The following SRCAP variants were observed in gnomAD, a reference collection of about 807,000 sequenced individuals.
SRCAP encodes chromatin remodeling protein SRCAP.
SRCAP carries 46 observed loss-of-function variants against 263.1 expected under a neutral mutation model. The ratio of observed to expected loss-of-function variants is 0.17; its 90% CI spans 0.14 to 0.22. The LOEUF is 0.22. Ranked by LOEUF, SRCAP falls within the 10% of genes least tolerant of loss-of-function variation. The pLI is 1.00. For synonymous variants in SRCAP, 1,813 were observed against 1,662.1 expected (o/e 1.09, Z -2.21); for missense variants, 3,695 against 4,181.9 (o/e 0.88, Z 3.21).
chr16:30,712,556 A>G, intron 13 of SRCAP, 117 bp downstream of exon 13: 1 of 1,531,052 alleles, frequency 6.5e-7, no homozygotes, highest in Non-Finnish European at 8.9e-7. Context: ...TTAACTGTAT[A>G]GAGAGGACAG....
In SRCAP at chr16:30,733,467, A is replaced by C. The variant is rs758305218; in HGVS notation, c.6297+18A>C. ...AGAGACAGGTAACCCAGGTTTCTGC[A>C]GCTCTTAGAGGCTCACCTCCGCTTC... On this transcript the variant is annotated intron_variant, in intron 28 of 33. Transcript: ENST00000262518. This position sits in a 1 kb window ranked among gnomAD's most constrained non-coding sequence, Gnocchi z 5.3. The C allele has an allele frequency of 3.1e-6, 5 of 1,613,948 alleles. No homozygotes were observed. The East Asian group carries it at 8.9e-5, about 29-fold the overall frequency.
In SRCAP at chr16:30,739,789, C is replaced by A. The variant is rs1010032406; in HGVS notation, c.*56C>A. 52 of 1,443,766 alleles carry A rather than the reference C, an allele frequency of 3.6e-5. No individual in the cohort carries two copies. The highest frequency in any genetic ancestry group is 4.7e-5 in the Non-Finnish European group (52 of 1,095,948). 89.4% of individuals were successfully genotyped at this position (1,443,766 alleles called of 1,614,324 possible). ...CGTGGCCACTCCCTCCATGACCAGG[C>A]CTGACTCTGTTAACCACTACTTGAA... On this transcript the variant is annotated 3_prime_UTR_variant, in exon 34 of 34. Coordinates refer to ENST00000262518, the MANE Select transcript of SRCAP (RefSeq NM_006662.3).
chr16:30,707,823 T>G, intron 6 of SRCAP, 111 bp downstream of exon 6: 4 of 1,374,188 alleles, frequency 2.9e-6, no homozygotes, highest in Non-Finnish European at 4.0e-6. Flanking sequence ...TTCAGGCAAC[T>G]CTAATGACGT....
In SRCAP at chr16:30,713,354, G is replaced by T; in HGVS notation, c.2277G>T (p.Trp759Cys). The T allele has an allele frequency of 6.2e-7, 1 of 1,614,162 alleles. No homozygotes were observed. The highest frequency in any genetic ancestry group is 8.5e-7 in the Non-Finnish European group (1 of 1,180,034). Residue 759 changes from tryptophan (W) to cysteine (C), a missense_variant, in exon 15 of 34, where the codon TGG (tryptophan) becomes TGT (cysteine). Trp to Cys is a radical substitution (Grantham distance 215). Transcript: ENST00000262518. ...QNIKNFKSQR[W>C]QSLLNFNSQR... ...TCAAGAACTTCAAGTCACAGCGCTG[G>T]CAGTCACTCCTCAACTTCAACAGGT...
At position 30,733,909 on chromosome 16, in the gene SRCAP, G is replaced by A; in HGVS notation, c.6510G>A (p.Arg2170=). The change falls in exon 30 of 34, where the codon CGG becomes CGA. Residue 2170 remains arginine, a synonymous_variant. Coordinates refer to ENST00000262518, the MANE Select transcript of SRCAP (RefSeq NM_006662.3). This position sits in a 1 kb window ranked among gnomAD's most constrained non-coding sequence, Gnocchi z 5.3. The part of the protein sequence containing the change: ...DVHIYRLISE[R]TVEENILKKA... ...CACCCCCTAGGCTTATCAGTGAACG[G>A]ACAGTGGAGGAGAACATCCTAAAAA... is the stretch of plus-strand genomic sequence containing the variant. 6.2e-7 allele frequency: 1 copy of A among 1,614,130 alleles called. No individual in the cohort carries two copies. The highest frequency in any genetic ancestry group is 1.1e-5 in the South Asian group (1 of 91,070).
In SRCAP at chr16:30,737,249, G is replaced by A. The variant is rs1275356539; in HGVS notation, c.7209G>A (p.Arg2403=). ...TCAGTGAGCGTCTTCGTGGAGCCCG[G>A]GCTGAGACTCAAGGGGCAAACCACA... The part of the protein sequence containing the change: ...TRVSERLRGA[R]AETQGANHTP... Residue 2403 remains arginine (R), a synonymous_variant, in exon 34 of 34, where the codon CGG becomes CGA. Transcript: ENST00000262518. The A allele has an allele frequency of 6.2e-7, 1 of 1,613,984 alleles. No individual in the cohort carries two copies. Among genetic ancestry groups the A allele is most frequent in the South Asian group, 1.1e-5 (1 of 91,080 alleles).
rs2151288671 is a variant in SRCAP at position 30,712,302 on chromosome 16, G to A, written c.1856G>A (p.Arg619Gln). 6.2e-7 allele frequency: 1 copy of A among 1,605,648 alleles called. No individual in the cohort carries two copies. Among genetic ancestry groups the A allele is most frequent in the South Asian group, 1.1e-5 (1 of 90,278 alleles). Residue 619 changes from arginine (R) to glutamine (Q), a missense_variant, in exon 13 of 34, where the codon CGG (arginine) becomes CAG (glutamine). Physicochemically the swap from Arg to Gln is conservative, Grantham distance 43. Around this residue, in one of 12 missense-constraint regions of SRCAP, gnomAD observed 121 missense variants for 330.7 expected, o/e 0.37. Coordinates refer to ENST00000262518, the MANE Select transcript of SRCAP (RefSeq NM_006662.3). ...CCCCTGCTTCTGCGGGGCCAGCTCC[G>A]GGAGTACCAGCACATTGGGCTAGAC... Reference protein sequence around the residue: ...PIPLLLRGQLREYQHIGLDWL... With the variant: ...PIPLLLRGQLQEYQHIGLDWL...
intron 21 of SRCAP, 48 bp from the exon 22 acceptor site, chr16:30,722,074 G>A (rs199854780): frequency 5.6e-5 from 88 of 1,583,536 alleles, no homozygotes; most frequent in African/African-American, 1.7e-4. Flanking sequence ...GTGAAGTGGT[G>A]TTGAGCAGGA....
Position 30,716,620 on chromosome 16 carries a change from A to G in SRCAP, c.2817+141A>G, listed in dbSNP as rs570036819. The G allele has an allele frequency of 3.0e-4, 230 of 759,208 alleles. 1 individual carries two copies. In the African/African-American group the frequency reaches 3.7e-3, roughly 12 times the overall value. 47.0% of individuals were successfully genotyped at this position (759,208 alleles called of 1,614,324 possible). A position where few individuals can be genotyped will look rare whatever the true frequency, so the allele number is the denominator to read the frequency against. ...CCCTTAGTTTTATTGTACTCTAGCCATGTGACTTAACGATGGTTCAACTTA... is the reference window on the plus strand; with the variant it reads ...CCCTTAGTTTTATTGTACTCTAGCCGTGTGACTTAACGATGGTTCAACTTA... On this transcript the variant is annotated intron_variant, in intron 18 of 33. Transcript: ENST00000262518.
At chr16:30,704,031 A>G in intron 3 of SRCAP, 33 bp from the exon 4 acceptor site, 1 of 1,593,458 alleles carries the variant, frequency 6.3e-7, no homozygotes, top group Non-Finnish European at 8.6e-7. Flanking sequence ...AGTGCGAAGC[A>G]TTTATTTTCT....
Position 30,712,008 on chromosome 16 carries a change from G to T in SRCAP, c.1666G>T (p.Ala556Ser). ...TGATTTTGGGGTGGAGTACTTGCTT[G>T]CCAGGGATGAAGAGCAGAGTGAGGC... is the stretch of plus-strand genomic sequence containing the variant. ...DDDFGVEYLL[A>S]RDEEQSEADA... Residue 556 changes from alanine (A) to serine (S), a missense_variant, in exon 12 of 34, where the codon GCC (alanine) becomes TCC (serine). This residue lies in a region of SRCAP where 288 missense variants were observed against 302.4 expected (regional missense o/e 0.95). Coordinates refer to ENST00000262518, the MANE Select transcript of SRCAP (RefSeq NM_006662.3). 1.2e-6 allele frequency: 2 copies of T among 1,614,058 alleles called. No homozygotes were observed. The highest frequency in any genetic ancestry group is 1.3e-5 in the African/African-American group (1 of 74,996).
intron 3 of SRCAP, among the ~76,000 whole-genome samples, chr16:30,702,972 A>G (rs757300803): frequency 2.0e-5 from 3 of 151,924 alleles, no homozygotes; most frequent in Non-Finnish European, 2.9e-5. Flanking sequence ...ATGCCTGTCC[A>G]GTGAAGAGGT....
rs993395791 is a variant in SRCAP, at chr16:30,704,315, T to C, written c.306T>C (p.His102=). Residue 102 remains histidine (H), a splice_region_variant and synonymous_variant, in exon 4 of 34, where the codon CAT becomes CAC. Coordinates refer to ENST00000262518, the MANE Select transcript of SRCAP (RefSeq NM_006662.3). The part of the protein sequence containing the change: ...SHAEIAEQAK[H]EAEIETRIAE... ...CCGAAATTGCAGAACAGGCCAAGCA[T>C]GTACGTATTAGAAAGGCTTATGAAG... 1.9e-6 allele frequency: 3 copies of C among 1,591,436 alleles called. No individual in the cohort carries two copies. The highest frequency in any genetic ancestry group is 1.7e-6 in the Non-Finnish European group (2 of 1,164,314).
chr16:30,736,096 CTAGT>C, intron 31 of SRCAP, 100 bp from the exon 32 acceptor site: 1 of 1,393,684 alleles, frequency 7.2e-7, no homozygotes, highest in South Asian at 1.3e-5. Flanking sequence ...TGTTGCAAAC[CTAGT>C]TTGGTGTACG....
chr16:30,711,185 T>C, intron 10 of SRCAP, 97 bp downstream of exon 10: 1 of 895,634 alleles, frequency 1.1e-6, no homozygotes, highest in Non-Finnish European at 1.8e-6. Flanking sequence ...GTATCCACCC[T>C]GGAGGAATTC....
At chr16:30,713,400 A>G (rs1268904557) in intron 15 of SRCAP, 23 bp downstream of exon 15, 15 of 1,613,838 alleles carry the variant, frequency 9.3e-6, no homozygotes, top group Non-Finnish European at 1.3e-5. Flanking sequence ...ATGGGGATTC[A>G]TGGGAGGGTT....
chr16:30,727,560 GTTTC>G (rs2053075322), intron 25 of SRCAP, among the ~76,000 whole-genome samples: 1 of 151,982 alleles, frequency 6.6e-6, no homozygotes. Flanking sequence ...CTACTTGTTT[GTTTC>G]TTTTTTTGAG....
At chr16:30,730,028 A>G (rs1315602453) in intron 27 of SRCAP, among the ~76,000 whole-genome samples, 2 of 152,186 alleles carry the variant, frequency 1.3e-5, no homozygotes, top group South Asian at 2.1e-4. Flanking sequence ...TCAGCCTCCA[A>G]AGTGCTGGGA....
rs777804250 is a variant in SRCAP, at chr16:30,739,201, C to T, written c.9161C>T (p.Ser3054Phe). The change falls in exon 34 of 34, where the codon TCC becomes TTC. Residue 3054 changes from serine to phenylalanine, a missense_variant. By Grantham distance (155) the Ser-to-Phe change is radical (BLOSUM62 -2). Coordinates refer to ENST00000262518, the MANE Select transcript of SRCAP (RefSeq NM_006662.3). ...PQGQGESEGS[S>F]SDEDGSRPLT... ...GGCCAAGGGGAGAGTGAGGGTAGTT[C>T]CTCTGATGAGGATGGAAGCCGCCCC... 1.2e-6 allele frequency: 2 copies of T among 1,613,760 alleles called. No homozygotes were observed. The highest frequency in any genetic ancestry group is 1.7e-6 in the Non-Finnish European group (2 of 1,180,030).
Sources: allele counts gnomAD v4.1 joint callset (sites outside exome capture counted in the v4.1 genomes callset), GRCh38; gene constraint gnomAD v4.1.1; regional missense constraint gnomAD v4.1.1; non-coding constraint Gnocchi (gnomAD v3.1); transcripts MANE v1.5; gene names NCBI Gene and HGNC (gene_info 2026-07-23, HGNC 2026-07-21).